Variants in PRKCB observed in about 807,000 individuals in gnomAD.
PRKCB encodes protein kinase C beta.
A neutral mutation model predicts 81.5 loss-of-function variants in PRKCB; 13 were observed. The ratio of observed to expected loss-of-function variants is 0.16; its 90% CI spans 0.10 to 0.25. The LOEUF (loss-of-function observed/expected upper bound fraction) is 0.25. Among genes scored for constraint, PRKCB ranks in the 10% least tolerant of loss-of-function variants. The pLI is 1.00. For synonymous variants in PRKCB, 335 were observed against 321.4 expected (o/e 1.04, Z -0.45); for missense variants, 509 against 875.7 (o/e 0.58, Z 5.29).
At chr16:23,882,163 T>C (rs113003130) in intron 2 of PRKCB, among the ~76,000 whole-genome samples, 1 of 150,942 alleles carries the variant, frequency 6.6e-6, no homozygotes, top group African/African-American at 2.4e-5. Context: ...CATGGCAGCC[T>C]TGACCTCCTG....
intron 2 of PRKCB, among the ~76,000 whole-genome samples, chr16:23,865,929 GGA>G (rs2141094640): frequency 6.6e-6 from 1 of 152,128 alleles, no homozygotes; most frequent in Admixed American, 6.5e-5. Context: ...CTCCTCTTCT[GGA>G]GTTCAGAACC....
intron 7 of PRKCB, among the ~76,000 whole-genome samples, chr16:24,097,763 A>C (rs1434736110): frequency 6.6e-6 from 1 of 152,158 alleles, no homozygotes; most frequent in Non-Finnish European, 1.5e-5. Context: ...AGGACAACTA[A>C]AAGTGGGACG....
chr16:24,176,777 C>G (rs1440604313), intron 12 of PRKCB, among the ~76,000 whole-genome samples: 1 of 151,830 alleles, frequency 6.6e-6, no homozygotes, highest in Non-Finnish European at 1.5e-5. Context: ...GTCTGTAATC[C>G]CAGCCACTCG....
chr16:24,021,018 T>TTCTC (rs1965362150), intron 3 of PRKCB, among the ~76,000 whole-genome samples: 1 of 134,534 alleles, frequency 7.4e-6, no homozygotes, highest in African/African-American at 2.9e-5. Flanking sequence ...CTTTCTTTCT[T>TTCTC]TCTTTCTTTC....
intron 5 of PRKCB, among the ~76,000 whole-genome samples, chr16:24,081,071 C>T (rs898460225): frequency 6.6e-6 from 1 of 152,084 alleles, no homozygotes; most frequent in African/African-American, 2.4e-5. Flanking sequence ...TGTTTTTAAA[C>T]TTTAATAAAG....
chr16:23,988,312 A>G (rs949028579), intron 2 of PRKCB, among the ~76,000 whole-genome samples, 196 bp from the exon 3 acceptor site: 3 of 152,230 alleles, frequency 2.0e-5, no homozygotes, highest in African/African-American at 7.2e-5. Context: ...CCTATGCAAG[A>G]TGAAGCATCT....
At chr16:24,072,338 G>A (rs1966120373) in intron 5 of PRKCB, among the ~76,000 whole-genome samples, 1 of 152,026 alleles carries the variant, frequency 6.6e-6, no homozygotes, top group Admixed American at 6.6e-5. Context: ...TACGATCATA[G>A]CTCACTGCAG....
At chr16:23,882,079 C>T (rs896916039) in intron 2 of PRKCB, among the ~76,000 whole-genome samples, 5 of 87,592 alleles carry the variant, frequency 5.7e-5, no homozygotes, top group Admixed American at 1.3e-4. Context: ...TCTTTCTTTC[C>T]TTTTTTTTTT....
At chr16:24,144,187 AAAG>A (rs1966953935) in intron 9 of PRKCB, among the ~76,000 whole-genome samples, 1 of 152,134 alleles carries the variant, frequency 6.6e-6, no homozygotes, top group Non-Finnish European at 1.5e-5. Context: ...GAGAGAAAAA[AAAG>A]AAAAGAGAAC....
At chr16:24,169,011 T>TA (rs1392642821) in intron 10 of PRKCB, among the ~76,000 whole-genome samples, 1 of 152,144 alleles carries the variant, frequency 6.6e-6, no homozygotes, top group Non-Finnish European at 1.5e-5. Context: ...TCATCACATT[T>TA]ACAGTTTGCA....
At chr16:24,057,921 T>C (rs903697512) in intron 5 of PRKCB, among the ~76,000 whole-genome samples, 2 of 152,164 alleles carry the variant, frequency 1.3e-5, no homozygotes, top group African/African-American at 4.8e-5. Context: ...TCAGGCCATG[T>C]CACCCCCCTG....
chr16:23,972,916 A>G (rs894306227), intron 2 of PRKCB, among the ~76,000 whole-genome samples: 28 of 152,368 alleles, frequency 1.8e-4, no homozygotes, highest in African/African-American at 6.5e-4. Context: ...TGCAACAACA[A>G]TAGTAATAGC....
rs181832866 is a variant in PRKCB at position 23,878,867 on chromosome 16, C to A, written c.205+41461C>A. On this transcript the variant is annotated intron_variant, in intron 2 of 16. Coordinates refer to ENST00000643927, the MANE Select transcript of PRKCB (RefSeq NM_002738.7). ...TTTGTCATTCTGGGTGCACAGCCTG[C>A]GTCCTTAAGAGGCAATGTAGTGTTG... 7.9e-5 allele frequency among the ~76,000 whole-genome samples: 12 copies of A among 152,190 alleles called. No individual in the cohort carries two copies. The South Asian group carries it at 2.3e-3, about 29-fold the overall frequency.
intron 2 of PRKCB, chr16:23,869,066 G>A (rs756386015): frequency 2.2e-6 from 1 of 453,040 alleles, no homozygotes; most frequent in Non-Finnish European, 4.4e-6. Context: ...CTCATACAAG[G>A]ATTATACATT....
intron 2 of PRKCB, among the ~76,000 whole-genome samples, chr16:23,943,342 T>A (rs1202507475): frequency 6.6e-6 from 1 of 152,066 alleles, no homozygotes; most frequent in African/African-American, 2.4e-5. Context: ...GTGGACAACA[T>A]AGCAAGACCC....
At chr16:24,095,586 T>C (rs1966429208) in intron 7 of PRKCB, among the ~76,000 whole-genome samples, 1 of 152,210 alleles carries the variant, frequency 6.6e-6, no homozygotes, top group African/African-American at 2.4e-5. Context: ...GGATAAAGGC[T>C]GATAATAATC....
intron 9 of PRKCB, among the ~76,000 whole-genome samples, chr16:24,146,076 C>T (rs1966984291): frequency 6.6e-6 from 1 of 152,084 alleles, no homozygotes; most frequent in African/African-American, 2.4e-5. Flanking sequence ...AAGACAGAGG[C>T]AGAGATTGGA....
intron 8 of PRKCB, among the ~76,000 whole-genome samples, chr16:24,114,082 G>T (rs1409232244): frequency 1.3e-5 from 2 of 151,124 alleles, no homozygotes; most frequent in Non-Finnish European, 3.0e-5. Flanking sequence ...AGCTAGGCAT[G>T]GTGGTGCACG....
intron 5 of PRKCB, among the ~76,000 whole-genome samples, chr16:24,085,326 C>T (rs1346731191): frequency 6.6e-6 from 1 of 152,108 alleles, no homozygotes; most frequent in African/African-American, 2.4e-5. Flanking sequence ...TATTCTCAGA[C>T]CTCCTCCAAG....
Sources: gnomAD v4.1 joint callset for allele counts (sites outside exome capture counted in the v4.1 genomes callset) on GRCh38, gnomAD v4.1.1 for gene constraint, MANE v1.5 for transcripts, NCBI Gene and HGNC (gene_info 2026-07-23, HGNC 2026-07-21) for gene names.